The following RASGEF1A variants were observed in gnomAD, a reference collection of about 807,000 sequenced individuals.
The protein encoded by RASGEF1A is ras-GEF domain-containing family member 1A.
Under a neutral mutation model 56.4 loss-of-function variants are expected in RASGEF1A, and 18 were observed. That is an observed-to-expected ratio of 0.32 (90% CI 0.22 to 0.47). The LOEUF (loss-of-function observed/expected upper bound fraction) is 0.47. Ranked by LOEUF, RASGEF1A falls within the 20% of genes least tolerant of loss-of-function variation. RASGEF1A has a pLI of 1.00. For missense variants in RASGEF1A, 422 were observed against 627.1 expected, an observed-to-expected ratio of 0.67 and a Z score of 3.49; for synonymous variants, 245 against 242.6, an observed-to-expected ratio of 1.01 and a Z score of -0.09.
intron 1 of RASGEF1A, among the ~76,000 whole-genome samples, chr10:43,240,567 T>A (rs1285732366): frequency 1.3e-5 from 2 of 151,966 alleles, no homozygotes; most frequent in Non-Finnish European, 2.9e-5. Context: ...TGTTGAAAAC[T>A]AAGTAAATGA....
chr10:43,253,354 G>A (rs1175799710), intron 1 of RASGEF1A, among the ~76,000 whole-genome samples: 1 of 152,244 alleles, frequency 6.6e-6, no homozygotes, highest in Non-Finnish European at 1.5e-5. Flanking sequence ...TCTCAAGAGT[G>A]GGTATGGCCC....
intron 1 of RASGEF1A, among the ~76,000 whole-genome samples, chr10:43,265,403 C>A (rs1190099955): frequency 6.6e-6 from 1 of 152,224 alleles, no homozygotes. Context: ...GGGATCCACA[C>A]AGCTCATGCC....
At chr10:43,206,570 G>T in intron 1 of RASGEF1A, 3 of 1,002,478 alleles carry the variant, frequency 3.0e-6, no homozygotes, top group Non-Finnish European at 3.6e-6. Context: ...CCAGAGATGT[G>T]TGCAGCGGGG....
chr10:43,240,453 A>G (rs1461513716), intron 1 of RASGEF1A, among the ~76,000 whole-genome samples: 2 of 152,244 alleles, frequency 1.3e-5, no homozygotes, highest in East Asian at 3.8e-4. Flanking sequence ...GACTGAAGGA[A>G]TTGATGTTTA....
At chr10:43,264,581 T>C (rs907796001) in intron 1 of RASGEF1A, among the ~76,000 whole-genome samples, 5 of 149,462 alleles carry the variant, frequency 3.3e-5, no homozygotes, top group African/African-American at 9.9e-5. Context: ...GGAGGCAGAT[T>C]GGAAGCTCCA....
At chr10:43,264,893 A>G (rs1836597023) in intron 1 of RASGEF1A, among the ~76,000 whole-genome samples, 1 of 151,990 alleles carries the variant, frequency 6.6e-6, no homozygotes. Flanking sequence ...GACCTATTTG[A>G]CAAATAGGGC....
At chr10:43,244,995 A>G (rs1249750398) in intron 1 of RASGEF1A, among the ~76,000 whole-genome samples, 1 of 152,136 alleles carries the variant, frequency 6.6e-6, no homozygotes, top group East Asian at 1.9e-4. Flanking sequence ...GTAAAAAAAA[A>G]TTGAGAAAGT....
chr10:43,236,075 G>A (rs1284863466), intron 1 of RASGEF1A, among the ~76,000 whole-genome samples: 2 of 152,200 alleles, frequency 1.3e-5, no homozygotes, highest in African/African-American at 4.8e-5. Context: ...CCAGCCAGAA[G>A]CAAACTACTT....
chr10:43,218,642 A>T (rs977016591), intron 1 of RASGEF1A, among the ~76,000 whole-genome samples: 1 of 152,232 alleles, frequency 6.6e-6, no homozygotes, highest in Non-Finnish European at 1.5e-5. Context: ...ACATAAGCCA[A>T]ACTTCAAGTA....
chr10:43,206,637 T>C, intron 1 of RASGEF1A: 2 of 989,176 alleles, frequency 2.0e-6, no homozygotes, highest in Non-Finnish European at 2.4e-6. Flanking sequence ...ATGTGCTGCT[T>C]CACTGAGGTG....
intron 1 of RASGEF1A, among the ~76,000 whole-genome samples, chr10:43,263,044 C>T (rs189750768): frequency 6.1e-4 from 93 of 152,252 alleles, no homozygotes; most frequent in East Asian, 7.7e-4. Flanking sequence ...TGATGTGCAT[C>T]GTCACCCGGG....
Position 43,203,403 on chromosome 10 carries a change from G to C in RASGEF1A, c.216C>G (p.Thr72=), listed in dbSNP as rs1460804439. 2 of 1,579,022 alleles carry C rather than the reference G, an allele frequency of 1.3e-6. No individual in the cohort carries two copies. Among genetic ancestry groups the C allele is most frequent in the Non-Finnish European group, 1.7e-6 (2 of 1,161,882 alleles). Residue 72 remains threonine, a synonymous_variant, in exon 3 of 13, where the codon ACC becomes ACG. Coordinates refer to ENST00000395810, the MANE Select transcript of RASGEF1A (RefSeq NM_145313.4). ...TAAAGACCCGGGAGCTCAGGAGAAA[G>C]GTGAAGATGTACGTCCTCTGAAGGC... The part of the protein sequence containing the change: ...DYYPDRTYIF[T]FLLSSRVFMP...
chr10:43,211,258 A>G (rs1253575043), intron 1 of RASGEF1A, among the ~76,000 whole-genome samples: 1 of 152,148 alleles, frequency 6.6e-6, no homozygotes, highest in Non-Finnish European at 1.5e-5. Context: ...ATCTTGGAAG[A>G]GAGCAGATTT....
chr10:43,229,481 G>A (rs1423242991), intron 1 of RASGEF1A, among the ~76,000 whole-genome samples: 2 of 152,188 alleles, frequency 1.3e-5, no homozygotes, highest in African/African-American at 4.8e-5. Flanking sequence ...GGCAGTAGGT[G>A]CTCCAGCGGG....
intron 1 of RASGEF1A, among the ~76,000 whole-genome samples, chr10:43,260,541 G>A (rs1349847087): frequency 3.3e-5 from 5 of 152,310 alleles, no homozygotes; most frequent in South Asian, 2.1e-4. Flanking sequence ...TGGTCCCCAC[G>A]GGCAGGGCCA....
intron 1 of RASGEF1A, among the ~76,000 whole-genome samples, chr10:43,259,258 G>C (rs1718325729): frequency 6.6e-6 from 1 of 152,206 alleles, no homozygotes; most frequent in South Asian, 2.1e-4. Flanking sequence ...GCACCCCAGG[G>C]ACCAGCTGAG....
chr10:43,246,050 TAATA>T (rs1292369765), intron 1 of RASGEF1A, among the ~76,000 whole-genome samples: 5 of 152,108 alleles, frequency 3.3e-5, no homozygotes, highest in East Asian at 1.9e-4. Flanking sequence ...CTATTAGAAC[TAATA>T]AATAAATTCA....
At chr10:43,202,138 C>T (rs974162567) in intron 3 of RASGEF1A, among the ~76,000 whole-genome samples, 193 bp from the exon 4 acceptor site, 1 of 152,200 alleles carries the variant, frequency 6.6e-6, no homozygotes, top group African/African-American at 2.4e-5. Context: ...CTTCTTCCTT[C>T]CCCTTAAGTT....
chr10:43,209,953 T>G (rs868036057), intron 1 of RASGEF1A, among the ~76,000 whole-genome samples: 1 of 152,232 alleles, frequency 6.6e-6, no homozygotes, highest in Non-Finnish European at 1.5e-5. Context: ...ACTGGCGTTC[T>G]AGACCCTTCC....
Sources: gnomAD v4.1 joint callset for allele counts (sites outside exome capture counted in the v4.1 genomes callset) on GRCh38, gnomAD v4.1.1 for gene constraint, MANE v1.5 for transcripts, NCBI Gene and HGNC (gene_info 2026-07-23, HGNC 2026-07-21) for gene names.